The following CFAP20DC variants were observed in gnomAD, a reference collection of about 807,000 sequenced individuals.
CFAP20DC encodes protein CFAP20DC.
Under a neutral mutation model 101.7 loss-of-function variants are expected in CFAP20DC, and 84 were observed. That is an observed-to-expected ratio of 0.83 (90% CI 0.69 to 0.99). The LOEUF is 0.99. CFAP20DC is among the 50% of genes least tolerant of loss of function. The probability of loss-of-function intolerance (pLI) is 0.00; values close to 1 mark genes in which losing one functional copy is unlikely to be tolerated. For synonymous variants in CFAP20DC, 359 were observed against 351.2 expected, an observed-to-expected ratio of 1.02 and a Z score of -0.25; for missense variants, 1,007 against 970.3, an observed-to-expected ratio of 1.04 and a Z score of -0.50.
At chr3:58,758,494 T>G (rs2069173338) in intron 15 of CFAP20DC, among the ~76,000 whole-genome samples, 1 of 152,144 alleles carries the variant, frequency 6.6e-6, no homozygotes, top group South Asian at 2.1e-4. Context: ...CCCTTGGACT[T>G]GATACTCTGG....
At chr3:58,767,948 T>C (rs1182667142) in intron 15 of CFAP20DC, among the ~76,000 whole-genome samples, 1 of 152,226 alleles carries the variant, frequency 6.6e-6, no homozygotes, top group Admixed American at 6.5e-5. Context: ...TTTCCTCATG[T>C]TGAGGTAAAA....
At chr3:58,915,808 A>C (rs910045965) in intron 5 of CFAP20DC, among the ~76,000 whole-genome samples, 1 of 152,136 alleles carries the variant, frequency 6.6e-6, no homozygotes, top group African/African-American at 2.4e-5. Context: ...CCCCTCATCT[A>C]ATCATACTGT....
chr3:58,972,999 A>C, intron 4 of CFAP20DC, among the ~76,000 whole-genome samples: 1 of 152,214 alleles, frequency 6.6e-6, no homozygotes, highest in East Asian at 1.9e-4. Flanking sequence ...TATTATTTAA[A>C]CAATATTTGG....
chr3:58,947,798 A>G (rs2107966369), intron 4 of CFAP20DC, among the ~76,000 whole-genome samples: 1 of 152,352 alleles, frequency 6.6e-6, no homozygotes, highest in East Asian at 1.9e-4. Context: ...CAGGGAGAAT[A>G]GGACAACAAA....
chr3:58,780,988 C>T (rs1488962776), intron 15 of CFAP20DC, among the ~76,000 whole-genome samples: 4 of 151,846 alleles, frequency 2.6e-5, no homozygotes, highest in Non-Finnish European at 5.9e-5. Flanking sequence ...GAATAGATAT[C>T]CTTCTAATCA....
chr3:58,856,295 CACACACACACACACACACAT>C (rs1214931970), intron 12 of CFAP20DC, among the ~76,000 whole-genome samples: 7 of 150,332 alleles, frequency 4.7e-5, no homozygotes, highest in African/African-American at 1.7e-4. Context: ...CACACACACA[CACACACACACACACACACAT>C]AACTGATGGA....
At chr3:58,751,840 A>AACACAC (rs58961774) in intron 16 of CFAP20DC, among the ~76,000 whole-genome samples, 24 of 140,736 alleles carry the variant, frequency 1.7e-4, no homozygotes, top group African/African-American at 4.8e-4. Context: ...CCTCAGCTGT[A>AACACAC]ACACACACAC....
chr3:58,846,806 C>G (rs1217145195), intron 13 of CFAP20DC, among the ~76,000 whole-genome samples: 4 of 145,820 alleles, frequency 2.7e-5, no homozygotes, highest in Non-Finnish European at 4.5e-5. Context: ...GGTACTGGTA[C>G]CAAAACAGAG....
chr3:58,877,896 T>A (rs1366764075), intron 7 of CFAP20DC, among the ~76,000 whole-genome samples: 2 of 152,044 alleles, frequency 1.3e-5, no homozygotes, highest in Non-Finnish European at 2.9e-5. Context: ...ACACAGAACA[T>A]AATACCATAA....
At chr3:59,012,004 T>G (rs2093594133) in intron 4 of CFAP20DC, among the ~76,000 whole-genome samples, 1 of 152,342 alleles carries the variant, frequency 6.6e-6, no homozygotes, top group South Asian at 2.1e-4. Context: ...TATTTACTCC[T>G]TTCCAGGCAC....
intron 7 of CFAP20DC, among the ~76,000 whole-genome samples, chr3:58,872,327 G>A (rs2080295844): frequency 1.3e-5 from 2 of 151,800 alleles, no homozygotes; most frequent in Non-Finnish European, 2.9e-5. Flanking sequence ...CTCTGCTGTA[G>A]AGCTATAATT....
At chr3:58,873,975 G>C (rs2080514027) in intron 7 of CFAP20DC, among the ~76,000 whole-genome samples, 1 of 152,252 alleles carries the variant, frequency 6.6e-6, no homozygotes, top group Non-Finnish European at 1.5e-5. Flanking sequence ...CTGTAAGGCA[G>C]GTGTTGAAGC....
rs188624460 is a variant in CFAP20DC at position 58,874,062 on chromosome 3, C to T, written c.716-3753G>A. On this transcript the variant is annotated intron_variant, in intron 7 of 16. Coordinates refer to ENST00000482387, the MANE Select transcript of CFAP20DC (RefSeq NM_001394063.1). The surrounding 1 kb of genome is among the most constrained non-coding windows in gnomAD (Gnocchi z 5.1). Reference sequence around the variant, plus strand: ...TGACTCCTTAATTTATATCTCTTAGCCTTGTCCTCTCTTCTGAGCTCCACT... The same window carrying T: ...TGACTCCTTAATTTATATCTCTTAGTCTTGTCCTCTCTTCTGAGCTCCACT... Among the ~76,000 whole-genome samples the T allele has an allele frequency of 3.5e-4, 53 of 152,356 alleles. No homozygotes were observed. Among genetic ancestry groups the T allele is most frequent in the African/African-American group, 1.2e-3 (50 of 41,588 alleles).
intron 15 of CFAP20DC, among the ~76,000 whole-genome samples, chr3:58,784,103 A>G (rs1350564612): frequency 1.3e-5 from 2 of 151,606 alleles, no homozygotes; most frequent in African/African-American, 4.8e-5. Context: ...GTGCGGCAGC[A>G]GTGTGATCTT....
chr3:58,726,510 G>A (rs2067553976), intron 3 of CFAP20DC: 1 of 157,600 alleles, frequency 6.3e-6, no homozygotes, highest in Admixed American at 6.5e-5. Context: ...CAGCAGGAAA[G>A]CAACCCATCC....
At chr3:58,769,940 CAG>C (rs776938821) in intron 15 of CFAP20DC, among the ~76,000 whole-genome samples, 5 of 152,168 alleles carry the variant, frequency 3.3e-5, no homozygotes, top group Non-Finnish European at 5.9e-5. Flanking sequence ...ATCCACAAAA[CAG>C]AGAGGATCCA....
At chr3:58,898,376 T>C (rs571508850) in intron 6 of CFAP20DC, among the ~76,000 whole-genome samples, 2 of 152,254 alleles carry the variant, frequency 1.3e-5, no homozygotes, top group African/African-American at 2.4e-5. Context: ...GGTTTCACCA[T>C]GTTGGCCAGT....
intron 5 of CFAP20DC, among the ~76,000 whole-genome samples, chr3:58,934,961 T>C (rs2087315879): frequency 1.3e-5 from 2 of 152,136 alleles, no homozygotes; most frequent in Non-Finnish European, 2.9e-5. Context: ...GGTATTCCAT[T>C]AGGAAAAGAG....
chr3:59,040,722 A>G (rs1170020428), intron 3 of CFAP20DC, among the ~76,000 whole-genome samples: 3 of 152,114 alleles, frequency 2.0e-5, no homozygotes, highest in Non-Finnish European at 4.4e-5. Context: ...CTTCTGGTAT[A>G]TGATTCCCAT....
Sources: gnomAD v4.1 joint callset for allele counts (sites outside exome capture counted in the v4.1 genomes callset) on GRCh38, gnomAD v4.1.1 for gene constraint, Gnocchi (gnomAD v3.1) non-coding constraint, MANE v1.5 for transcripts, NCBI Gene and HGNC (gene_info 2026-07-23, HGNC 2026-07-21) for gene names.